TTC12: variants seen among roughly 807,000 people sequenced by gnomAD.
TTC12 encodes tetratricopeptide repeat domain 12.
Under a neutral mutation model 90.1 loss-of-function variants are expected in TTC12, and 70 were observed. The observed-to-expected ratio is 0.78, with a 90% CI of 0.64 to 0.95. TTC12 has a LOEUF of 0.95. Ranked by LOEUF, TTC12 falls within the 40% of genes least tolerant of loss-of-function variation. The pLI is 0.00. For missense variants in TTC12, 819 were observed against 846.1 expected, an observed-to-expected ratio of 0.97 and a Z score of 0.40; for synonymous variants, 296 against 311.5, an observed-to-expected ratio of 0.95 and a Z score of 0.53.
At chr11:113,323,480 A>C in intron 3 of TTC12, 29 bp downstream of exon 3, 1 of 1,487,418 alleles carries the variant, frequency 6.7e-7, no homozygotes, top group Non-Finnish European at 9.0e-7. Flanking sequence ...AAGTTATATA[A>C]GTACTTACAG....
chr11:113,324,141 T>G, intron 4 of TTC12, 126 bp downstream of exon 4: 1 of 718,286 alleles, frequency 1.4e-6, no homozygotes, highest in Non-Finnish European at 2.4e-6. Flanking sequence ...AAAAACCTAC[T>G]GATCATCCCA....
intron 2 of TTC12, among the ~76,000 whole-genome samples, chr11:113,322,604 C>A (rs146481352): frequency 6.6e-6 from 1 of 152,286 alleles, no homozygotes; most frequent in African/African-American, 2.4e-5. Flanking sequence ...CCCAGGATAA[C>A]AAGGATTGCT....
chr11:113,344,287 T>G lies in TTC12; in HGVS notation c.1001T>G (p.Val334Gly), dbSNP rs1948829766. The change falls in exon 13 of 22, where the codon GTG (valine) becomes GGG (glycine). Residue 334 changes from valine (V) to glycine (G), a missense_variant. By Grantham distance (109) the Val-to-Gly change is moderately radical (BLOSUM62 -3). Coordinates refer to ENST00000529221, the MANE Select transcript of TTC12 (RefSeq NM_017868.4). ...TGTTTTGCAGAGGAAAACCAGCGTG[T>G]GCTAGTGATACACCATGACAGGGCC... is the stretch of plus-strand genomic sequence containing the variant. ...VCSRNEENQR[V>G]LVIHHDRARL... 6.2e-7 allele frequency: 1 copy of G among 1,613,164 alleles called. No homozygotes were observed. Among genetic ancestry groups the G allele is most frequent in the Non-Finnish European group, 8.5e-7 (1 of 1,179,428 alleles).
rs1555155493 is a variant in TTC12, at chr11:113,362,379, ATCC to A, written c.1615-19_1615-17del. On this transcript the variant is annotated intron_variant, in intron 18 of 21. Transcript: ENST00000529221. ...GCATTTCTGAAAAGGACATTTAATT[ATCC>A]TCTTTCTGCTGTACTCAGAGAGCTG... 1 of 1,565,130 alleles carries A rather than the reference ATCC, an allele frequency of 6.4e-7. No individual in the cohort carries two copies. The highest frequency in any genetic ancestry group is 1.1e-5 in the South Asian group (1 of 88,800).
intron 1 of TTC12, 123 bp from the exon 2 acceptor site, chr11:113,316,120 T>G: frequency 2.3e-6 from 1 of 431,664 alleles, no homozygotes; most frequent in Non-Finnish European, 4.1e-6. Context: ...TGTTATTCAT[T>G]GACATAAACA....
At chr11:113,365,725 A>C (rs951398260) in intron 21 of TTC12, 1 of 171,738 alleles carries the variant, frequency 5.8e-6, no homozygotes, top group Admixed American at 5.4e-5. Flanking sequence ...TGAGCAAAGG[A>C]GCCCTGGCAT....
intron 14 of TTC12, 32 bp from the exon 15 acceptor site, chr11:113,351,207 A>G: frequency 6.2e-7 from 1 of 1,607,546 alleles, no homozygotes; most frequent in East Asian, 2.2e-5. Flanking sequence ...ATGCAATGTA[A>G]AAATAAATCC....
rs782545629 is a variant in TTC12, at chr11:113,341,944, C to T, written c.985+19C>T. The T allele has an allele frequency of 6.9e-6, 11 of 1,600,418 alleles. No individual in the cohort carries two copies. Among genetic ancestry groups the T allele is most frequent in the Middle Eastern group, 1.6e-4 (1 of 6,072 alleles). On this transcript the variant is annotated intron_variant, in intron 12 of 21. Coordinates refer to ENST00000529221, the MANE Select transcript of TTC12 (RefSeq NM_017868.4). ...AGGAACGGTAAGCCTGGGTAATCAC[C>T]GTTGATCACCATTAATGCGCTGCGT...
chr11:113,343,619 C>T (rs1253199794), intron 12 of TTC12, among the ~76,000 whole-genome samples: 1 of 152,118 alleles, frequency 6.6e-6, no homozygotes, highest in East Asian at 1.9e-4. Flanking sequence ...TGATGGGGCC[C>T]ACCCCTTTGA....
intron 12 of TTC12, 96 bp downstream of exon 12, chr11:113,342,021 A>G (rs1365515101): frequency 9.4e-7 from 1 of 1,063,456 alleles, no homozygotes; most frequent in Admixed American, 1.8e-5. Flanking sequence ...CAGGCCCTGG[A>G]AAGCTGATGT....
Position 113,334,961 on chromosome 11 carries a change from T to A in TTC12, c.505-5T>A, listed in dbSNP as rs1431954356. On this transcript the variant is annotated splice_polypyrimidine_tract_variant and splice_region_variant and intron_variant, in intron 7 of 21. Coordinates refer to ENST00000529221, the MANE Select transcript of TTC12 (RefSeq NM_017868.4). ...ACTTCTGATCAGTCATTCTCTTTTA[T>A]GCAGTGTGATGAAAAATGCACAAAA... 1.9e-6 allele frequency: 3 copies of A among 1,612,840 alleles called. No individual in the cohort carries two copies. The highest frequency in any genetic ancestry group is 2.5e-6 in the Non-Finnish European group (3 of 1,178,856).
chr11:113,320,313 T>G (rs1184478124), intron 2 of TTC12, among the ~76,000 whole-genome samples: 1 of 152,102 alleles, frequency 6.6e-6, no homozygotes, highest in Admixed American at 6.5e-5. Flanking sequence ...CCTGTGCCCA[T>G]GTAAACTCTG....
intron 7 of TTC12, 73 bp from the exon 8 acceptor site, chr11:113,334,893 C>A: frequency 1.6e-6 from 2 of 1,245,026 alleles, no homozygotes; most frequent in Non-Finnish European, 2.3e-6. Context: ...ACTCTTTTAG[C>A]TGTATAGTGA....
chr11:113,318,515 C>T (rs10891532), intron 2 of TTC12, among the ~76,000 whole-genome samples: 21,989 of 152,186 alleles, frequency 0.14, 1,903 homozygotes, highest in South Asian at 0.23. Flanking sequence ...GGACACTAGT[C>T]ATATTGGATT....
chr11:113,329,764 T>G (rs1591538641), intron 6 of TTC12, 156 bp from the exon 7 acceptor site: 1 of 707,832 alleles, frequency 1.4e-6, no homozygotes, highest in East Asian at 2.8e-5. Flanking sequence ...AGTTGCCCAG[T>G]GCAAGTGTGC....
chr11:113,335,126 G>T, intron 8 of TTC12, 89 bp downstream of exon 8: 2 of 968,682 alleles, frequency 2.1e-6, no homozygotes, highest in South Asian at 1.4e-5. Context: ...TCTCCAAGCT[G>T]ATTAGGTATT....
intron 7 of TTC12, among the ~76,000 whole-genome samples, chr11:113,330,858 T>G (rs567488656): frequency 6.6e-6 from 1 of 152,294 alleles, no homozygotes; most frequent in African/African-American, 2.4e-5. Flanking sequence ...AACAGCATGA[T>G]TTTCAATAAC....
intron 17 of TTC12, 129 bp downstream of exon 17, chr11:113,359,590 A>G: frequency 1.4e-6 from 1 of 693,706 alleles, no homozygotes; most frequent in Non-Finnish European, 2.6e-6. Context: ...GGAATGGGAA[A>G]AGGCTGGAGG....
intron 2 of TTC12, among the ~76,000 whole-genome samples, chr11:113,316,599 G>C (rs1179554721): frequency 2.0e-5 from 3 of 152,236 alleles, no homozygotes; most frequent in Admixed American, 2.0e-4. Context: ...AAAACCAGCT[G>C]CTGTTTCCCC....
Sources: allele counts gnomAD v4.1 joint callset (sites outside exome capture counted in the v4.1 genomes callset), GRCh38; gene constraint gnomAD v4.1.1; transcripts MANE v1.5; gene names NCBI Gene and HGNC (gene_info 2026-07-23, HGNC 2026-07-21).